Variants in CLECL1 observed in about 807,000 individuals in gnomAD.
CLECL1 encodes the protein C-type lectin-like domain family 1.
chr12:9,732,131 A>C (rs760605483), intron 1 of CLECL1, among the ~76,000 whole-genome samples: 5 of 152,350 alleles, frequency 3.3e-5, no homozygotes, highest in African/African-American at 9.6e-5. Context: ...GATAACTATA[A>C]ACTTTTGAAA....
upstream of CLECL1, among the ~76,000 whole-genome samples, chr12:9,734,300 C>T (rs969521997): frequency 6.6e-6 from 1 of 152,198 alleles, no homozygotes; most frequent in Non-Finnish European, 1.5e-5. Flanking sequence ...CTGGATGAGG[C>T]TTGAGCACCG....
At chr12:9,733,071 C>G, upstream of CLECL1, 7 of 1,613,704 alleles carry the variant, frequency 4.3e-6, no homozygotes, top group Non-Finnish European at 5.9e-6. Context: ...AAATGATGTC[C>G]CACTGAAGGG....
At chr12:9,730,541 C>G (rs781333747) in intron 1 of CLECL1, among the ~76,000 whole-genome samples, 3 of 152,144 alleles carry the variant, frequency 2.0e-5, no homozygotes, top group Non-Finnish European at 4.4e-5. Flanking sequence ...TTAATTAAAA[C>G]ATCTTTAATA....
rs71045296 is a variant in CLECL1 at position 9,724,184 on chromosome 12, GAA to G, written n.263-1373_263-1372del. ...AGCCAGGGTGACAAAGCAACTCCAT[GAA>G]AAAAAAAAAAAGAAAAAGAAAAAGA... On this transcript the variant is annotated intron_variant and non_coding_transcript_variant, in intron 3 of 3. Transcript: ENST00000621400. Among the ~76,000 whole-genome samples the G allele has an allele frequency of 9.5e-3, 1,242 of 130,098 alleles. 31 individuals carry two copies. Among genetic ancestry groups the G allele is most frequent in the African/African-American group, 0.031 (1,114 of 36,118 alleles). The allele number at this position is 130,098 out of a possible 152,430, so 85.3% of individuals were successfully genotyped here.
At chr12:9,718,604 T>TAA, downstream of CLECL1, 1 of 598,780 alleles carries the variant, frequency 1.7e-6, no homozygotes, top group Non-Finnish European at 3.0e-6. Flanking sequence ...TGTGACTGTA[T>TAA]ATGGAGACAC....
downstream of CLECL1, among the ~76,000 whole-genome samples, chr12:9,714,191 A>G (rs1211986914): frequency 6.6e-6 from 1 of 152,238 alleles, no homozygotes; most frequent in Non-Finnish European, 1.5e-5. Flanking sequence ...TGATATCTTC[A>G]TGAGCCATCT....
chr12:9,702,552 G>T, the CLECL1 span, among the ~76,000 whole-genome samples: 1 of 152,148 alleles, frequency 6.6e-6, no homozygotes, highest in Non-Finnish European at 1.5e-5. Flanking sequence ...CAGGCTTGAG[G>T]ATGTGTGGCT....
At chr12:9,720,869 C>A (rs1032020795), downstream of CLECL1, among the ~76,000 whole-genome samples, 3 of 152,196 alleles carry the variant, frequency 2.0e-5, no homozygotes, top group African/African-American at 7.2e-5. Context: ...TGGCTGAATT[C>A]TTACTGGTAT....
At chr12:9,703,840 G>A in the CLECL1 span, among the ~76,000 whole-genome samples, 1 of 151,842 alleles carries the variant, frequency 6.6e-6, no homozygotes, top group Non-Finnish European at 1.5e-5. Context: ...TTTTTAATGA[G>A]AAATAGTCAC....
chr12:9,733,519 C>A (rs1221763734), upstream of CLECL1, among the ~76,000 whole-genome samples: 3 of 152,110 alleles, frequency 2.0e-5, no homozygotes, highest in Non-Finnish European at 4.4e-5. Context: ...TGTCTTTTAT[C>A]CTCCTCTCTA....
the CLECL1 span, among the ~76,000 whole-genome samples, chr12:9,710,373 T>C: frequency 0.93 from 140,491 of 151,870 alleles, 65,030 homozygotes; most frequent in East Asian, 0.97. Flanking sequence ...CCCCTGTCAG[T>C]GGGAAGCAGC....
the CLECL1 span, among the ~76,000 whole-genome samples, chr12:9,703,362 T>G: frequency 0.43 from 64,594 of 150,832 alleles, 15,235 homozygotes; most frequent in East Asian, 0.62. Context: ...ACTCTTAAAA[T>G]AATTTGTGCT....
chr12:9,733,010 G>A (rs767578087), exon 1 of CLECL1: 16 of 1,614,066 alleles, frequency 9.9e-6, no homozygotes, highest in East Asian at 2.2e-5. Context: ...TGATGTCAGC[G>A]TAGACTACAT....
chr12:9,707,589 CT>C, the CLECL1 span, among the ~76,000 whole-genome samples: 2 of 152,160 alleles, frequency 1.3e-5, no homozygotes, highest in African/African-American at 4.8e-5. Flanking sequence ...GTATGCTCCC[CT>C]AGAGATTTGA....
At chr12:9,718,754 G>A, downstream of CLECL1, 1 of 700,674 alleles carries the variant, frequency 1.4e-6, no homozygotes, top group Non-Finnish European at 2.6e-6. Context: ...CCATTTGAAG[G>A]TACAGCAAAA....
At chr12:9,723,615 TA>T (rs1425054555) in intron 3 of CLECL1, among the ~76,000 whole-genome samples, 1 of 151,894 alleles carries the variant, frequency 6.6e-6, no homozygotes, top group Non-Finnish European at 1.5e-5. Flanking sequence ...GTAGAGTGAG[TA>T]AAACATCATT....
chr12:9,720,810 C>T (rs1866301091), downstream of CLECL1, among the ~76,000 whole-genome samples: 1 of 152,190 alleles, frequency 6.6e-6, no homozygotes, highest in South Asian at 2.1e-4. Flanking sequence ...AGGAGCTTCA[C>T]ACTGTTCTGC....
downstream of CLECL1, among the ~76,000 whole-genome samples, chr12:9,719,121 A>G (rs1866275176): frequency 6.6e-6 from 1 of 152,122 alleles, no homozygotes; most frequent in Admixed American, 6.5e-5. Context: ...TAGGTCTTTA[A>G]TGTGGGCTTT....
At chr12:9,715,062 G>A (rs1324637245), downstream of CLECL1, among the ~76,000 whole-genome samples, 8 of 152,156 alleles carry the variant, frequency 5.3e-5, no homozygotes, top group African/African-American at 1.9e-4. Flanking sequence ...CTAAAGGGCT[G>A]CAGCTCCTCC....
Sources: allele counts gnomAD v4.1 joint callset (sites outside exome capture counted in the v4.1 genomes callset), GRCh38; gene constraint gnomAD v4.1.1; transcripts MANE v1.5; gene names NCBI Gene and HGNC (gene_info 2026-07-23, HGNC 2026-07-21).